Variants in SPANXN4 observed in about 807,000 individuals in gnomAD.
SPANXN4 encodes the protein sperm protein associated with the nucleus on the X chromosome N4.
SPANXN4 carries 5 observed loss-of-function variants against 6.0 expected under a neutral mutation model. The ratio of observed to expected loss-of-function variants is 0.83; its 90% CI spans 0.44 to 1.75. The LOEUF (loss-of-function observed/expected upper bound fraction) is 1.75, where lower values mean the gene tolerates loss of function less well. Ranked by LOEUF, SPANXN4 falls within the 40% of genes most tolerant of loss-of-function variation. SPANXN4 has a pLI of 0.02. For missense variants in SPANXN4, 157 were observed against 108.6 expected (o/e 1.45, Z -1.98); for synonymous variants, 45 against 38.0 (o/e 1.19, Z -0.68).
intron 1 of SPANXN4, among the ~76,000 whole-genome samples, chrX:143,032,919 G>A (rs758274991): frequency 1.8e-5 from 2 of 111,762 alleles, no homozygotes; most frequent in African/African-American, 3.3e-5. Flanking sequence ...AAAGAGCTGT[G>A]GCAGCTCTTC....
exon 3 of SPANXN4, chrX:143,034,685 G>A (rs760523641): frequency 1.7e-6 from 2 of 1,143,293 alleles, no homozygotes; most frequent in South Asian, 4.2e-5. Context: ...ACCCAATGCT[G>A]TGAGCAACTG....
intron 1 of SPANXN4, among the ~76,000 whole-genome samples, chrX:143,028,696 G>C: frequency 9.1e-6 from 1 of 109,384 alleles, no homozygotes; most frequent in African/African-American, 3.3e-5. Context: ...TCTACTATTA[G>C]CAGAAGGTAT....
At chrX:143,037,492 G>T (rs1372266146), downstream of SPANXN4, among the ~76,000 whole-genome samples, 2 of 111,545 alleles carry the variant, frequency 1.8e-5, no homozygotes, top group Non-Finnish European at 3.8e-5. Context: ...GCTTGACTAT[G>T]TACTCAGACT....
At chrX:143,033,509 G>A (rs1041489382) in intron 1 of SPANXN4, among the ~76,000 whole-genome samples, 1 of 111,628 alleles carries the variant, frequency 9.0e-6, no homozygotes, top group African/African-American at 3.3e-5. Context: ...TAATGCCAGA[G>A]CCCACTACCA....
At chrX:143,037,660 A>G (rs765544255), downstream of SPANXN4, among the ~76,000 whole-genome samples, 1 of 111,677 alleles carries the variant, frequency 9.0e-6, no homozygotes, top group African/African-American at 3.3e-5. Context: ...GTCTTGAATT[A>G]TAATTCCTAT....
At chrX:143,037,918 A>G (rs1332951846), downstream of SPANXN4, among the ~76,000 whole-genome samples, 2 of 111,568 alleles carry the variant, frequency 1.8e-5, no homozygotes, top group African/African-American at 6.5e-5. Flanking sequence ...GCCATGCTGA[A>G]TGTAAGTCAA....
intron 1 of SPANXN4, among the ~76,000 whole-genome samples, chrX:143,028,996 T>C (rs1256588053): frequency 4.5e-5 from 5 of 111,952 alleles, no homozygotes; most frequent in African/African-American, 1.6e-4. Flanking sequence ...ACTTTCATCA[T>C]TGAGGTAGAA....
At chrX:143,033,270 A>C (rs1179945408) in intron 1 of SPANXN4, among the ~76,000 whole-genome samples, 1 of 111,250 alleles carries the variant, frequency 9.0e-6, no homozygotes, top group Non-Finnish European at 1.9e-5. Context: ...GGCTGGGAAC[A>C]GGTAGTCCAC....
At chrX:143,034,111 C>T (rs1414322536) in exon 2 of SPANXN4, 10 of 1,179,174 alleles carry the variant, frequency 8.5e-6, no homozygotes, top group Non-Finnish European at 1.1e-5. Flanking sequence ...TAGTGTTTTA[C>T]TGCAGGAAGA....
chrX:143,034,690 C>A (rs1056680990), exon 3 of SPANXN4: 5 of 1,137,523 alleles, frequency 4.4e-6, no homozygotes, highest in East Asian at 3.3e-5. Context: ...ATGCTGTGAG[C>A]AACTGAAGGT....
rs766930530 is a variant in SPANXN4 at position 143,026,069 on chromosome X, T to A, written c.55T>A (p.Ser19Thr). Residue 19 changes from serine (S) to threonine (T), a missense_variant, in exon 1 of 3, where the codon TCT becomes ACT. Physicochemically the swap from Ser to Thr is moderately conservative, Grantham distance 58 (BLOSUM62 1). Transcript: ENST00000370504. ...GAATAAAATGAAGAGCCCCTGTGAATCTAACAAAAGAAAAGTTGACAAGGT... is the reference window on the plus strand; with the variant it reads ...GAATAAAATGAAGAGCCCCTGTGAAACTAACAAAAGAAAAGTTGACAAGGT... The A allele has an allele frequency of 4.0e-5, 48 of 1,205,722 alleles. No individual in the cohort carries two copies. The East Asian group carries it at 1.3e-3, about 32-fold the overall frequency.
chrX:143,034,123 T>A lies in SPANXN4; in HGVS notation c.174T>A (p.Asn58Lys), dbSNP rs777977723. 2.5e-6 allele frequency: 3 copies of A among 1,177,675 alleles called. No homozygotes were observed. In the South Asian group the frequency reaches 5.6e-5, roughly 22 times the overall value. Residue 58 changes from asparagine (N) to lysine (K), a missense_variant, in exon 2 of 3, where the codon AAT becomes AAA. Physicochemically the swap from Asn to Lys is moderately conservative, Grantham distance 94 (BLOSUM62 0). Coordinates refer to ENST00000370504, the Ensembl canonical transcript of SPANXN4. ...CATTAGTGTTTTACTGCAGGAAGAATAAGAAAAGAAATTCAAATCAACTGG... is the reference window on the plus strand; with the variant it reads ...CATTAGTGTTTTACTGCAGGAAGAAAAAGAAAAGAAATTCAAATCAACTGG...
chrX:143,026,478 C>G (rs1168515762), intron 1 of SPANXN4, among the ~76,000 whole-genome samples: 1 of 111,418 alleles, frequency 9.0e-6, no homozygotes, highest in African/African-American at 3.3e-5. Context: ...CCAGAACTCC[C>G]GTGGAATGTT....
intron 1 of SPANXN4, 129 bp downstream of exon 1, chrX:143,026,221 C>A: frequency 1.8e-6 from 1 of 545,186 alleles, no homozygotes; most frequent in Non-Finnish European, 3.0e-6. Flanking sequence ...CATGCCAGAG[C>A]CCACCGCTAC....
At chrX:143,037,503 A>G (rs1455273270), downstream of SPANXN4, among the ~76,000 whole-genome samples, 1 of 111,614 alleles carries the variant, frequency 9.0e-6, no homozygotes, top group Admixed American at 9.6e-5. Context: ...TACTCAGACT[A>G]TACTGTTGAG....
chrX:143,033,626 C>T, intron 1 of SPANXN4, among the ~76,000 whole-genome samples: 1 of 111,251 alleles, frequency 9.0e-6, no homozygotes, highest in Non-Finnish European at 1.9e-5. Context: ...GTGGTTTGAC[C>T]CTTTTTCCTG....
chrX:143,033,886 A>G (rs1252920775), intron 1 of SPANXN4, 139 bp from the exon 2 acceptor site: 1 of 539,257 alleles, frequency 1.9e-6, no homozygotes, highest in Admixed American at 4.0e-5. Context: ...TCCCTACCCT[A>G]TGATTCCACC....
chrX:143,036,730 A>G (rs1416597212), downstream of SPANXN4, among the ~76,000 whole-genome samples: 1 of 111,907 alleles, frequency 8.9e-6, no homozygotes, highest in Non-Finnish European at 1.9e-5. Flanking sequence ...TTCTTTTACA[A>G]TATTGGTTTG....
chrX:143,026,043 A>T, exon 1 of SPANXN4: 1 of 1,210,413 alleles, frequency 8.3e-7, no homozygotes. Flanking sequence ...AGCACCAACG[A>T]GAATAAAATG....
Sources: allele counts gnomAD v4.1 joint callset (sites outside exome capture counted in the v4.1 genomes callset), GRCh38; gene constraint gnomAD v4.1.1; transcripts MANE v1.5; gene names NCBI Gene and HGNC (gene_info 2026-07-23, HGNC 2026-07-21).